UEVLD: variants seen among roughly 807,000 people sequenced by gnomAD.
UEVLD encodes the protein ubiquitin-conjugating enzyme E2 variant 3.
A neutral mutation model predicts 58.6 loss-of-function variants in UEVLD; 47 were observed. That is an observed-to-expected ratio of 0.80 (90% CI 0.63 to 1.02). UEVLD has a LOEUF of 1.02. Among genes scored for constraint, UEVLD ranks in the 50% least tolerant of loss-of-function variants. The pLI, the probability that UEVLD is intolerant of heterozygous loss-of-function variation, is 0.00. For missense variants in UEVLD, 510 were observed against 550.6 expected (o/e 0.93, Z 0.74); for synonymous variants, 197 against 195.3 (o/e 1.01, Z -0.07).
chr11:18,546,735 GT>G, intron 8 of UEVLD, 144 bp downstream of exon 8: 1 of 801,812 alleles, frequency 1.2e-6, no homozygotes, highest in Non-Finnish European at 1.9e-6. Context: ...CTGACCTCAG[GT>G]GATCCGCCCG....
intron 6 of UEVLD, among the ~76,000 whole-genome samples, chr11:18,559,185 T>TTTTTC (rs372949115): frequency 6.7e-5 from 10 of 150,288 alleles, no homozygotes; most frequent in East Asian, 4.0e-4. Context: ...TGCAGGTTTC[T>TTTTTC]TTTTCTTTTC....
chr11:18,584,790 GC>G (rs768000952), intron 1 of UEVLD, among the ~76,000 whole-genome samples: 31 of 152,132 alleles, frequency 2.0e-4, no homozygotes, highest in Middle Eastern at 3.4e-3. Context: ...ATTGCAGGAT[GC>G]CCGGCTAATT....
intron 11 of UEVLD, among the ~76,000 whole-genome samples, 167 bp from the exon 12 acceptor site, chr11:18,532,654 C>T (rs927494935): frequency 9.9e-5 from 15 of 152,172 alleles, no homozygotes; most frequent in Non-Finnish European, 2.1e-4. Context: ...CCAGACCTCA[C>T]AATCATTCAT....
intron 2 of UEVLD, among the ~76,000 whole-genome samples, chr11:18,576,186 CA>C (rs1327578739): frequency 6.6e-6 from 1 of 152,114 alleles, no homozygotes; most frequent in African/African-American, 2.4e-5. Context: ...AGCCCTTTCC[CA>C]AAACAAACTT....
intron 7 of UEVLD, among the ~76,000 whole-genome samples, chr11:18,548,717 G>A (rs192670739): frequency 3.3e-5 from 5 of 152,292 alleles, no homozygotes; most frequent in African/African-American, 9.6e-5. Flanking sequence ...GTGAGCCACC[G>A]CACCTGGCTA....
chr11:18,535,113 A>G (rs1850735738), intron 10 of UEVLD, among the ~76,000 whole-genome samples: 1 of 152,246 alleles, frequency 6.6e-6, no homozygotes, highest in South Asian at 2.1e-4. Flanking sequence ...TATGGATAGC[A>G]TAAATCTATA....
At chr11:18,566,746 C>T (rs1017426693) in intron 4 of UEVLD, among the ~76,000 whole-genome samples, 9 of 152,146 alleles carry the variant, frequency 5.9e-5, no homozygotes, top group Non-Finnish European at 1.0e-4. Context: ...AATCATCATA[C>T]ACATTATATG....
At chr11:18,545,320 C>A (rs1165324844) in intron 8 of UEVLD, among the ~76,000 whole-genome samples, 1 of 151,846 alleles carries the variant, frequency 6.6e-6, no homozygotes, top group Non-Finnish European at 1.5e-5. Flanking sequence ...ATCCACTTGC[C>A]TCGGCCTCCC....
rs1800619653 is a variant in UEVLD at position 18,532,096 on chromosome 11, C to A, written c.*224G>T. The A allele has an allele frequency of 2.9e-6, 1 of 340,796 alleles. No homozygotes were observed. Among genetic ancestry groups the A allele is most frequent in the African/African-American group, 2.1e-5 (1 of 47,338 alleles). 21.1% of individuals were successfully genotyped at this position (340,796 alleles called of 1,614,324 possible). A position where few individuals can be genotyped will look rare whatever the true frequency, so the allele number is the denominator to read the frequency against. On this transcript the variant is annotated 3_prime_UTR_variant, in exon 12 of 12. Transcript: ENST00000396197. ...TTACCCCTGCTGTAGATTTAAAGAA[C>A]AGCATAGATATCTCAAGAACCCCAA...
At chr11:18,577,887 A>G (rs73422601) in intron 2 of UEVLD, among the ~76,000 whole-genome samples, 10,284 of 151,348 alleles carry the variant, frequency 0.068, 906 homozygotes, top group African/African-American at 0.2. Context: ...AAAAAAAAAA[A>G]AAAGAAAGAT....
intron 7 of UEVLD, among the ~76,000 whole-genome samples, chr11:18,549,243 T>C (rs960575285): frequency 6.6e-6 from 1 of 152,196 alleles, no homozygotes; most frequent in African/African-American, 2.4e-5. Context: ...GAAACTGTTA[T>C]GTGGAGAGGT....
chr11:18,544,943 TAC>T (rs1189406503), intron 8 of UEVLD, 147 bp from the exon 9 acceptor site: 1 of 450,078 alleles, frequency 2.2e-6, no homozygotes, highest in Non-Finnish European at 3.8e-6. Flanking sequence ...CACACATATA[TAC>T]ATATATATAC....
At chr11:18,537,437 TCTC>T (rs1282914540) in intron 9 of UEVLD, among the ~76,000 whole-genome samples, 5 of 150,448 alleles carry the variant, frequency 3.3e-5, no homozygotes, top group Non-Finnish European at 7.4e-5. Flanking sequence ...TTCAAACAAT[TCTC>T]CTGCCTCAGC....
rs752805615 is a variant in UEVLD, at chr11:18,564,951, T to C, written c.553A>G (p.Ile185Val). 1 of 1,613,912 alleles carries C rather than the reference T, an allele frequency of 6.2e-7. No individual in the cohort carries two copies. The highest frequency in any genetic ancestry group is 8.5e-7 in the Non-Finnish European group (1 of 1,179,912). Residue 185 changes from isoleucine (I) to valine (V), a missense_variant, in exon 6 of 12, where the codon ATT (isoleucine) becomes GTT (valine). Physicochemically the swap from Ile to Val is conservative, Grantham distance 29. Transcript: ENST00000396197. Reference protein sequence around the residue: ...ANHENKTVNKITVVGGGELGI... With the variant: ...ANHENKTVNKVTVVGGGELGI... The stretch of plus-strand genomic sequence containing the variant: ...AGTTCTCCACCTCCAACCACAGTAA[T>C]TTTATTGACTGTTTTATTCTCATGA...
intron 10 of UEVLD, among the ~76,000 whole-genome samples, chr11:18,535,196 C>T (rs569268332): frequency 1.3e-5 from 2 of 152,252 alleles, no homozygotes; most frequent in South Asian, 4.2e-4. Flanking sequence ...GTTGTCCAAG[C>T]TGGTCTCAAA....
chr11:18,565,583 C>T (rs1269496225), intron 5 of UEVLD, among the ~76,000 whole-genome samples: 1 of 152,186 alleles, frequency 6.6e-6, no homozygotes, highest in East Asian at 1.9e-4. Context: ...AATCCCTGAA[C>T]TTTGGGAAGC....
chr11:18,562,875 A>G (rs1251399287), intron 6 of UEVLD, among the ~76,000 whole-genome samples: 2 of 151,670 alleles, frequency 1.3e-5, no homozygotes, highest in Non-Finnish European at 2.9e-5. Context: ...AGGGAGACCT[A>G]TCTCTACAAA....
chr11:18,538,362 C>T (rs532250235), intron 9 of UEVLD, among the ~76,000 whole-genome samples: 15 of 151,546 alleles, frequency 9.9e-5, no homozygotes, highest in African/African-American at 2.7e-4. Context: ...CTGCAACCTC[C>T]GTCTCCCAGG....
chr11:18,546,277 G>C (rs1010898462), intron 8 of UEVLD, among the ~76,000 whole-genome samples: 1 of 151,866 alleles, frequency 6.6e-6, no homozygotes, highest in Admixed American at 6.6e-5. Context: ...TTTTCTCTTG[G>C]GAGTTTAAAC....
Sources: allele counts gnomAD v4.1 joint callset (sites outside exome capture counted in the v4.1 genomes callset), GRCh38; gene constraint gnomAD v4.1.1; transcripts MANE v1.5; gene names NCBI Gene and HGNC (gene_info 2026-07-23, HGNC 2026-07-21).